COL16A1: variants seen among roughly 807,000 people sequenced by gnomAD.
COL16A1 encodes the protein collagen type XVI alpha 1 chain, also known as collagen alpha-1(XVI) chain.
A neutral mutation model predicts 266.3 loss-of-function variants in COL16A1; 189 were observed. That is an observed-to-expected ratio of 0.71 (90% CI 0.63 to 0.80). COL16A1 has a LOEUF of 0.80. Among genes scored for constraint, COL16A1 ranks in the 30% least tolerant of loss-of-function variants. The pLI is 0.00. For missense variants in COL16A1, 1,928 were observed against 2,122.4 expected (o/e 0.91, Z 1.80); for synonymous variants, 740 against 782.3 (o/e 0.95, Z 0.90).
At chr1:31,687,686 G>T (rs1051290143) in intron 26 of COL16A1, among the ~76,000 whole-genome samples, 1 of 151,994 alleles carries the variant, frequency 6.6e-6, no homozygotes, top group African/African-American at 2.4e-5. Context: ...TGGGCTTTGA[G>T]GGGCTGGCTG....
chr1:31,702,011 A>G, intron 2 of COL16A1, 110 bp downstream of exon 2: 2 of 1,553,256 alleles, frequency 1.3e-6, no homozygotes, highest in Middle Eastern at 1.7e-4. Context: ...AGACTCTGCT[A>G]TAACTGCCCA....
In COL16A1 at chr1:31,665,588, G is replaced by C; in HGVS notation, c.3487C>G (p.Pro1163Ala). 6.2e-7 allele frequency: 1 copy of C among 1,614,160 alleles called. No individual in the cohort carries two copies. The highest frequency in any genetic ancestry group is 8.5e-7 in the Non-Finnish European group (1 of 1,180,010). ...GFQGQPGFPG[P>A]PGPPGFPGKV... ...TTTGTGTCTTCTTCACTCACCGGTGGGCCCGGAAAGCCTGGCTGGCCTTGA... is the reference window on the plus strand; with the variant it reads ...TTTGTGTCTTCTTCACTCACCGGTGCGCCCGGAAAGCCTGGCTGGCCTTGA... Residue 1163 changes from proline to alanine, a missense_variant, in exon 55 of 71, where the codon CCA becomes GCA. This residue lies in a region of COL16A1 where 1,552 missense variants were observed against 1,637.2 expected (regional missense o/e 0.95). Transcript: ENST00000373672.
At chr1:31,679,569 G>A (rs774619445) in intron 42 of COL16A1, 63 bp downstream of exon 42, 45 of 1,613,968 alleles carry the variant, frequency 2.8e-5, no homozygotes, top group Non-Finnish European at 3.6e-5. Context: ...GTCCAGCCGG[G>A]AGCAGCCATC....
Position 31,657,250 on chromosome 1 carries a change from A to G in COL16A1, c.4021-182T>C. 1.5e-6 allele frequency: 1 copy of G among 669,582 alleles called. No individual in the cohort carries two copies. Among genetic ancestry groups the G allele is most frequent in the Non-Finnish European group, 2.6e-6 (1 of 386,772 alleles). 41.5% of individuals were successfully genotyped at this position (669,582 alleles called of 1,614,324 possible). On this transcript the variant is annotated intron_variant, in intron 64 of 70. Transcript: ENST00000373672. This position sits in a 1 kb window ranked among gnomAD's most constrained non-coding sequence, Gnocchi z 6.4. ...AACTTAGACCCCCACCCCATACTCC[A>G]GCGTGATCCCAGAGCCCCAACAGCT...
rs1323232096 is a variant in COL16A1, at chr1:31,699,881, C to G, written c.198G>C (p.Lys66Asn). ...RLSLMKTSAIKKIRNPKGPLI... is the reference protein window; with the variant it reads ...RLSLMKTSAINKIRNPKGPLI... The stretch of plus-strand genomic sequence containing the variant: ...GAGGCCCCTTGGGGTTGCGGATCTT[C>G]TTGATGGCAGACGTCTTCATGAGGC... The change falls in exon 4 of 71, where the codon AAG becomes AAC. Residue 66 changes from lysine (K) to asparagine (N), a missense_variant. Physicochemically the swap from Lys to Asn is moderately conservative, Grantham distance 94. Around this residue, in one of 2 missense-constraint regions of COL16A1, gnomAD observed 1,552 missense variants for 1,637.2 expected, o/e 0.95. Transcript: ENST00000373672. 22 of 1,614,164 alleles carry G rather than the reference C, an allele frequency of 1.4e-5. No individual in the cohort carries two copies. The highest frequency in any genetic ancestry group is 1.9e-5 in the Non-Finnish European group (22 of 1,180,002).
At position 31,653,600 on chromosome 1, in the gene COL16A1, T is replaced by C. The variant is rs753466518; in HGVS notation, c.4611A>G (p.Pro1537=). The C allele has an allele frequency of 9.9e-6, 16 of 1,613,276 alleles. No homozygotes were observed. The highest frequency in any genetic ancestry group is 1.4e-5 in the Non-Finnish European group (16 of 1,179,586). The stretch of plus-strand genomic sequence containing the variant: ...GTCTCAAATGGTGGTATTTCCTACC[T>C]GGGGGGCCGGGAAGACCATTTTCTC... ...IAGENGLPGP[P]GPQGPPGYGK... The change falls in exon 70 of 71, where the codon CCA becomes CCG. Residue 1537 remains proline (P), a splice_region_variant and synonymous_variant. Transcript: ENST00000373672.
intron 11 of COL16A1, 93 bp downstream of exon 11, chr1:31,695,093 T>G: frequency 7.4e-7 from 1 of 1,346,442 alleles, no homozygotes; most frequent in South Asian, 1.2e-5. Context: ...AAAGACCCCC[T>G]TGTCCTCACC....
intron 42 of COL16A1, 149 bp downstream of exon 42, chr1:31,679,483 C>A (rs767828832): frequency 6.2e-7 from 1 of 1,613,272 alleles, no homozygotes; most frequent in Non-Finnish European, 8.5e-7. Flanking sequence ...CTCCTTGCCA[C>A]CCTGGGAGGC....
At chr1:31,682,897 A>G (rs1643744147) in intron 37 of COL16A1, 37 bp downstream of exon 37, 1 of 1,612,208 alleles carries the variant, frequency 6.2e-7, no homozygotes, top group Non-Finnish European at 8.5e-7. Context: ...CCTTGGTTCC[A>G]GCAACACCAC....
chr1:31,682,214 C>T (rs1643695955), intron 37 of COL16A1, among the ~76,000 whole-genome samples: 1 of 152,104 alleles, frequency 6.6e-6, no homozygotes, highest in Non-Finnish European at 1.5e-5. Flanking sequence ...TGAGAAAATG[C>T]ACTTATGATT....
rs1640753744 is a variant in COL16A1, at chr1:31,652,918, AAT to A, written c.4613-67_4613-66del. On this transcript the variant is annotated intron_variant, in intron 70 of 70. Transcript: ENST00000373672. This position sits in a 1 kb window ranked among gnomAD's most constrained non-coding sequence, Gnocchi z 4.8. ...CAGATCATAAGGGAAAAGAAGCCAT[AAT>A]GGCATCAAATAATACCTTACATTTG... The A allele has an allele frequency of 7.3e-7, 1 of 1,374,766 alleles. No individual in the cohort carries two copies. Among genetic ancestry groups the A allele is most frequent in the Non-Finnish European group, 9.5e-7 (1 of 1,048,028 alleles). 85.2% of individuals were successfully genotyped at this position (1,374,766 alleles called of 1,614,324 possible).
At position 31,652,830 on chromosome 1, in the gene COL16A1, C is replaced by A; in HGVS notation, c.4636G>T (p.Gly1546Cys). Residue 1546 changes from glycine to cysteine, a missense_variant, in exon 71 of 71, where the codon GGC becomes TGC. Around this residue, in one of 2 missense-constraint regions of COL16A1, gnomAD observed 376 missense variants for 485.2 expected, o/e 0.77. Transcript: ENST00000373672. This position sits in a 1 kb window ranked among gnomAD's most constrained non-coding sequence, Gnocchi z 4.8. ...PPGPQGPPGYGKMGATGPMGQ... is the reference protein window; with the variant it reads ...PPGPQGPPGYCKMGATGPMGQ... Reference sequence around the variant, plus strand: ...ATTGGTCCTGTTGCACCCATCTTGCCATAGCCTGGAGGACCTTGAGGACCT... The same window carrying A: ...ATTGGTCCTGTTGCACCCATCTTGCAATAGCCTGGAGGACCTTGAGGACCT... 6.4e-7 allele frequency: 1 copy of A among 1,558,796 alleles called. No individual in the cohort carries two copies. Among genetic ancestry groups the A allele is most frequent in the South Asian group, 1.2e-5 (1 of 83,044 alleles).
chr1:31,684,068 C>G, intron 32 of COL16A1, 41 bp downstream of exon 32: 1 of 1,612,146 alleles, frequency 6.2e-7, no homozygotes, highest in Non-Finnish European at 8.5e-7. Flanking sequence ...GGAGAGGAGG[C>G]AAAGCCCAGG....
At chr1:31,674,763 C>T (rs959310702) in intron 44 of COL16A1, among the ~76,000 whole-genome samples, 17 of 152,178 alleles carry the variant, frequency 1.1e-4, no homozygotes, top group South Asian at 1.0e-3. Context: ...TGGGTTCTGC[C>T]GACAGCATCT....
In COL16A1 at chr1:31,675,353, C is replaced by G. The variant is rs1422070727; in HGVS notation, c.2773-42G>C. ...ACACGAGTGAGTGGGCTCCATCTCT[C>G]TAGCCTGCTGGTCAGCCTGTTTCCT... is the stretch of plus-strand genomic sequence containing the variant. On this transcript the variant is annotated intron_variant, in intron 42 of 70. Transcript: ENST00000373672. 5 of 1,605,110 alleles carry G rather than the reference C, an allele frequency of 3.1e-6. 1 individual carries two copies. In the East Asian group the frequency reaches 6.7e-5, roughly 22 times the overall value.
rs1339587652 is a variant in COL16A1 at position 31,684,089 on chromosome 1, C to T, written c.2283+20G>A. The T allele has an allele frequency of 2.5e-6, 4 of 1,605,562 alleles. No individual in the cohort carries two copies. The highest frequency in any genetic ancestry group is 3.4e-6 in the Non-Finnish European group (4 of 1,175,406). ...GAGGCAAAGCCCAGGCAGGGAAGGG[C>T]CGGAGGGCAGGCAACTCACGGGTTT... On this transcript the variant is annotated intron_variant, in intron 32 of 70. Transcript: ENST00000373672.
rs375566518 is a variant in COL16A1, at chr1:31,697,907, G to A, written c.656C>T (p.Ser219Leu). The change falls in exon 6 of 71, where the codon TCG (serine) becomes TTG (leucine). Residue 219 changes from serine to leucine, a missense_variant and splice_region_variant. Coordinates refer to ENST00000373672, the MANE Select transcript of COL16A1 (RefSeq NM_001856.4). The surrounding 1 kb of genome is among the most constrained non-coding windows in gnomAD (Gnocchi z 4.2). ...GTCAGGGCCTGACCTAGCACTCACC[G>A]AGACAGGCTTGCCCTGCTCAGCATC... ...GLDAEQGKPV[S>L]FDLQQVHIYC... The A allele has an allele frequency of 9.9e-6, 16 of 1,608,864 alleles. No homozygotes were observed. Among genetic ancestry groups the A allele is most frequent in the South Asian group, 4.4e-5 (4 of 90,894 alleles).
Position 31,680,088 on chromosome 1 carries a change from T to C in COL16A1, c.2624A>G (p.Glu875Gly), listed in dbSNP as rs763761592. 5.6e-6 allele frequency: 9 copies of C among 1,613,588 alleles called. No individual in the cohort carries two copies. The Admixed American group carries it at 1.3e-4, about 24-fold the overall frequency. The change falls in exon 40 of 71, where the codon GAG becomes GGG. Residue 875 changes from glutamate to glycine, a missense_variant. This residue lies in a region of COL16A1 where 1,552 missense variants were observed against 1,637.2 expected (regional missense o/e 0.95). Coordinates refer to ENST00000373672, the MANE Select transcript of COL16A1 (RefSeq NM_001856.4). ...GTCTCCTTGAGAGGGGCAGGAGCAC[T>C]CCCCTGGCTCACCCTGAAAATACAA... is the stretch of plus-strand genomic sequence containing the variant. ...GPRGEKGEPG[E>G]CSCPSQGDLI... is the part of the protein sequence containing the mutation.
Position 31,691,566 on chromosome 1 carries a change from C to T in COL16A1, c.1302+32G>A, listed in dbSNP as rs765574164. 53 of 1,613,866 alleles carry T rather than the reference C, an allele frequency of 3.3e-5. No homozygotes were observed. The South Asian group carries it at 5.5e-4, about 17-fold the overall frequency. ...GAGCTGCCACCCCAGCCCTGCCACCCCATCTCCACCCCACAAACATCCACA... is the reference window on the plus strand; with the variant it reads ...GAGCTGCCACCCCAGCCCTGCCACCTCATCTCCACCCCACAAACATCCACA... On this transcript the variant is annotated intron_variant, in intron 18 of 70. Coordinates refer to ENST00000373672, the MANE Select transcript of COL16A1 (RefSeq NM_001856.4).
Sources: gnomAD v4.1 joint callset for allele counts (sites outside exome capture counted in the v4.1 genomes callset) on GRCh38, gnomAD v4.1.1 for gene constraint, gnomAD v4.1.1 regional missense constraint, Gnocchi (gnomAD v3.1) non-coding constraint, MANE v1.5 for transcripts, NCBI Gene and HGNC (gene_info 2026-07-23, HGNC 2026-07-21) for gene names.